The following PXK variants were observed in gnomAD, a reference collection of about 807,000 sequenced individuals.
PXK encodes the protein PX domain-containing protein kinase-like protein.
Under a neutral mutation model 84.7 loss-of-function variants are expected in PXK, and 35 were observed. The observed-to-expected ratio is 0.41, with a 90% CI of 0.32 to 0.55. The LOEUF is 0.55. Ranked by LOEUF, PXK falls within the 20% of genes least tolerant of loss-of-function variation. The pLI is 0.21. For synonymous variants in PXK, 253 were observed against 260.8 expected (o/e 0.97, Z 0.29); for missense variants, 634 against 699.7 (o/e 0.91, Z 1.06).
rs374411638 is a variant in PXK, at chr3:58,409,572, A to G, written c.1349A>G (p.His450Arg). The G allele has an allele frequency of 3.7e-6, 6 of 1,613,726 alleles. No homozygotes were observed. The highest frequency in any genetic ancestry group is 2.5e-6 in the Non-Finnish European group (3 of 1,179,936). Residue 450 changes from histidine (H) to arginine (R), a missense_variant, in exon 15 of 18, where the codon CAT (histidine) becomes CGT (arginine). Transcript: ENST00000356151. This position sits in a 1 kb window ranked among gnomAD's most constrained non-coding sequence, Gnocchi z 4.2. Reference protein sequence around the residue: ...HRRLTRAQSHHGSEEERKKRK... With the variant: ...HRRLTRAQSHRGSEEERKKRK... The stretch of plus-strand genomic sequence containing the variant: ...AGACTGACAAGAGCTCAGTCCCACC[A>G]TGGATCTGAGGAGGAAAGAAAAAAA...
chr3:58,401,660 C>T lies in PXK; in HGVS notation c.1182-2202C>T, dbSNP rs149769038. On this transcript the variant is annotated intron_variant, in intron 12 of 17. Coordinates refer to ENST00000356151, the MANE Select transcript of PXK (RefSeq NM_017771.5). This position sits in a 1 kb window ranked among gnomAD's most constrained non-coding sequence, Gnocchi z 4.4. The stretch of plus-strand genomic sequence containing the variant: ...ACAAAGTGAGGGGCAGGCGTGGTGG[C>T]TCATGCCTGTAATCCCAGCACTTTA... Among the ~76,000 whole-genome samples the T allele has an allele frequency of 7.0e-4, 106 of 151,660 alleles. 1 individual carries two copies. The highest frequency in any genetic ancestry group is 2.3e-3 in the African/African-American group (94 of 41,344).
In PXK at chr3:58,385,610, C is replaced by T. The variant is rs576405877; in HGVS notation, c.388+2910C>T. On this transcript the variant is annotated intron_variant, in intron 4 of 17. Coordinates refer to ENST00000356151, the MANE Select transcript of PXK (RefSeq NM_017771.5). The surrounding 1 kb of genome is among the most constrained non-coding windows in gnomAD (Gnocchi z 5.1). ...ACCTTCTGGGTTCAAGTGATCCTTG[C>T]GCTCCAGCCTCCTGAGTAGCTGGGA... Among the ~76,000 whole-genome samples the T allele has an allele frequency of 6.6e-5, 10 of 152,226 alleles. No individual in the cohort carries two copies. The highest frequency in any genetic ancestry group is 2.1e-4 in the South Asian group (1 of 4,822).
intron 1 of PXK, among the ~76,000 whole-genome samples, chr3:58,353,608 G>A (rs1025681307): frequency 2.0e-4 from 31 of 152,320 alleles, no homozygotes; most frequent in African/African-American, 7.0e-4. Context: ...AAGTGGCCAG[G>A]CAGGTGGCCA....
chr3:58,405,869 C>A (rs572548785), intron 13 of PXK, among the ~76,000 whole-genome samples: 23 of 152,202 alleles, frequency 1.5e-4, no homozygotes, highest in African/African-American at 5.5e-4. Context: ...TTTAATCTTA[C>A]AAAATTCAGA....
Position 58,409,570 on chromosome 3 carries a change from C to A in PXK, c.1347C>A (p.His449Gln), listed in dbSNP as rs750445297. 1 of 1,613,604 alleles carries A rather than the reference C, an allele frequency of 6.2e-7. No individual in the cohort carries two copies. The highest frequency in any genetic ancestry group is 1.1e-5 in the South Asian group (1 of 91,036). Residue 449 changes from histidine to glutamine, a missense_variant, in exon 15 of 18, where the codon CAC (histidine) becomes CAA (glutamine). Physicochemically the swap from His to Gln is conservative, Grantham distance 24. This residue lies in a region of PXK where 273 missense variants were observed against 283.6 expected (regional missense o/e 0.96). Transcript: ENST00000356151. The surrounding 1 kb of genome is among the most constrained non-coding windows in gnomAD (Gnocchi z 4.2). The part of the protein sequence containing the change: ...QHRRLTRAQS[H>Q]HGSEEERKKR... ...GAAGACTGACAAGAGCTCAGTCCCA[C>A]CATGGATCTGAGGAGGAAAGAAAAA...
chr3:58,338,187 C>G (rs980547173), intron 1 of PXK, among the ~76,000 whole-genome samples: 1 of 151,732 alleles, frequency 6.6e-6, no homozygotes, highest in East Asian at 1.9e-4. Context: ...ACTAAAAATA[C>G]AAAATTAGCT....
rs778108079 is a variant in PXK at position 58,369,564 on chromosome 3, G to T, written c.201+86G>T. The T allele has an allele frequency of 6.6e-6, 7 of 1,061,894 alleles. No individual in the cohort carries two copies. In the East Asian group the frequency reaches 1.4e-4, roughly 22 times the overall value. The allele number at this position is 1,061,894 out of a possible 1,614,324, so 65.8% of individuals were successfully genotyped here. ...TGGAGTCGGGGCACGGTGGCTCAACGCCTGTAATCCCAGCACTTGGGGAGG... is the reference window on the plus strand; with the variant it reads ...TGGAGTCGGGGCACGGTGGCTCAACTCCTGTAATCCCAGCACTTGGGGAGG... On this transcript the variant is annotated intron_variant, in intron 3 of 17. Coordinates refer to ENST00000356151, the MANE Select transcript of PXK (RefSeq NM_017771.5).
At chr3:58,419,752 C>T (rs2061538122) in intron 17 of PXK, among the ~76,000 whole-genome samples, 1 of 152,204 alleles carries the variant, frequency 6.6e-6, no homozygotes, top group Non-Finnish European at 1.5e-5. Context: ...TTTCCCAGCC[C>T]CTTTCCAGGA....
At position 58,390,692 on chromosome 3, in the gene PXK, G is replaced by C. The variant is rs2106851961; in HGVS notation, c.466+33G>C. 6.3e-7 allele frequency: 1 copy of C among 1,583,874 alleles called. No individual in the cohort carries two copies. Among genetic ancestry groups the C allele is most frequent in the Non-Finnish European group, 8.6e-7 (1 of 1,156,678 alleles). ...ATTGGCACGCTCATTCTGTTAAAAA[G>C]ACAGATCACAGAACTGGATCCTTAG... is the stretch of plus-strand genomic sequence containing the variant. On this transcript the variant is annotated intron_variant, in intron 5 of 17. Transcript: ENST00000356151. This position sits in a 1 kb window ranked among gnomAD's most constrained non-coding sequence, Gnocchi z 4.2.
chr3:58,403,296 G>A (rs887103019), intron 12 of PXK, among the ~76,000 whole-genome samples: 3 of 152,080 alleles, frequency 2.0e-5, no homozygotes, highest in South Asian at 2.1e-4. Context: ...ATGAGCCACC[G>A]CACCCAGCCA....
intron 1 of PXK, among the ~76,000 whole-genome samples, chr3:58,351,801 G>C (rs896485283): frequency 7.6e-5 from 11 of 144,594 alleles, no homozygotes; most frequent in Non-Finnish European, 1.5e-5. Context: ...TATTTAAAGA[G>C]AATGGCTGCT....
chr3:58,401,951 A>G lies in PXK; in HGVS notation c.1182-1911A>G, dbSNP rs1462365933. Among the ~76,000 whole-genome samples, 6 of 152,096 alleles carry G rather than the reference A, an allele frequency of 3.9e-5. No individual in the cohort carries two copies. The East Asian group carries it at 1.2e-3, about 29-fold the overall frequency. On this transcript the variant is annotated intron_variant, in intron 12 of 17. Coordinates refer to ENST00000356151, the MANE Select transcript of PXK (RefSeq NM_017771.5). This position sits in a 1 kb window ranked among gnomAD's most constrained non-coding sequence, Gnocchi z 4.4. ...GGGCGCAGGATATTCAGCCAGGCAT[A>G]CTGGCACATGCCTGTAGTTCCAGCT... is the stretch of plus-strand genomic sequence containing the variant.
rs200803553 is a variant in PXK, at chr3:58,419,132, A to AGTCT, written c.1529-5611_1529-5608dup. Among the ~76,000 whole-genome samples the AGTCT allele has an allele frequency of 8.8e-3, 1,334 of 152,352 alleles. 23 individuals carry two copies. Among genetic ancestry groups the AGTCT allele is most frequent in the African/African-American group, 0.031 (1,280 of 41,580 alleles). ...ATAGGCTGAGTGGGGAAACCCAGCA[A>AGTCT]GTCTGTCTGTCTAGATTCTTCTCAG... On this transcript the variant is annotated intron_variant, in intron 17 of 17. Transcript: ENST00000356151.
intron 1 of PXK, among the ~76,000 whole-genome samples, chr3:58,343,007 G>A (rs910464379): frequency 6.6e-6 from 1 of 152,170 alleles, no homozygotes; most frequent in African/African-American, 2.4e-5. Flanking sequence ...TTTCTTTGAT[G>A]TGCTCATCAG....
Position 58,378,764 on chromosome 3 carries a change from G to A in PXK, c.202-3750G>A, listed in dbSNP as rs1033160300. On this transcript the variant is annotated intron_variant, in intron 3 of 17. Transcript: ENST00000356151. ...TTGGTCAGGCTAATCTCAAACTCCCGACTTCAGGTGATTCGCCTGCCTCGG... is the reference window on the plus strand; with the variant it reads ...TTGGTCAGGCTAATCTCAAACTCCCAACTTCAGGTGATTCGCCTGCCTCGG... 9.2e-5 allele frequency among the ~76,000 whole-genome samples: 14 copies of A among 151,826 alleles called. No individual in the cohort carries two copies. The East Asian group carries it at 1.4e-3, about 15-fold the overall frequency.
chr3:58,355,145 A>AAG (rs72416996), intron 1 of PXK, among the ~76,000 whole-genome samples: 98,334 of 149,388 alleles, frequency 0.66, 33,872 homozygotes, highest in East Asian at 0.98. Context: ...AAAAAAAAAA[A>AAG]AGAAAAAACA....
rs892558757 is a variant in PXK, at chr3:58,416,724, G to A, written c.1528+3761G>A. ...CAACTTCCGCCTCCTGGGTTCAAGC[G>A]ATTTTTATGCCTCAGCCTCCCAAGT... On this transcript the variant is annotated intron_variant, in intron 17 of 17. Coordinates refer to ENST00000356151, the MANE Select transcript of PXK (RefSeq NM_017771.5). The surrounding 1 kb of genome is among the most constrained non-coding windows in gnomAD (Gnocchi z 4.8). Among the ~76,000 whole-genome samples the A allele has an allele frequency of 1.9e-4, 29 of 151,962 alleles. No homozygotes were observed. Among genetic ancestry groups the A allele is most frequent in the African/African-American group, 6.5e-4 (27 of 41,360 alleles).
At chr3:58,394,962 C>G in intron 7 of PXK, 36 bp from the exon 8 acceptor site, 2 of 1,508,220 alleles carry the variant, frequency 1.3e-6, no homozygotes, top group Non-Finnish European at 1.8e-6. Flanking sequence ...TAGATCCTGA[C>G]GCAAATCAAT....
At chr3:58,373,410 C>T (rs900826702) in intron 3 of PXK, among the ~76,000 whole-genome samples, 1 of 152,090 alleles carries the variant, frequency 6.6e-6, no homozygotes. Flanking sequence ...TTCACTTTCG[C>T]CGCTGAAATA....
Sources: gnomAD v4.1 joint callset for allele counts (sites outside exome capture counted in the v4.1 genomes callset) on GRCh38, gnomAD v4.1.1 for gene constraint, gnomAD v4.1.1 regional missense constraint, Gnocchi (gnomAD v3.1) non-coding constraint, MANE v1.5 for transcripts, NCBI Gene and HGNC (gene_info 2026-07-23, HGNC 2026-07-21) for gene names.